Variants in SLC7A14 observed in about 807,000 individuals in gnomAD.
SLC7A14 encodes the protein gamma-aminobutyric acid transporter SLC7A14.
SLC7A14 carries 37 observed loss-of-function variants against 60.2 expected under a neutral mutation model. The ratio of observed to expected loss-of-function variants is 0.61; its 90% CI spans 0.47 to 0.81. SLC7A14 has a LOEUF of 0.81. Ranked by LOEUF, SLC7A14 falls within the 30% of genes least tolerant of loss-of-function variation. SLC7A14 has a pLI of 0.00. For synonymous variants in SLC7A14, 399 were observed against 395.8 expected (o/e 1.01, Z -0.10); for missense variants, 886 against 982.7 (o/e 0.90, Z 1.32).
chr3:170,528,778 C>G (rs756418203), intron 1 of SLC7A14, among the ~76,000 whole-genome samples: 3 of 152,138 alleles, frequency 2.0e-5, no homozygotes, highest in Non-Finnish European at 4.4e-5. Context: ...CCCCTTCCTC[C>G]TCTCCTCTTT....
intron 2 of SLC7A14, among the ~76,000 whole-genome samples, chr3:170,511,092 A>G (rs1712966005): frequency 6.6e-6 from 1 of 152,204 alleles, no homozygotes; most frequent in Admixed American, 6.5e-5. Flanking sequence ...GCCTGGGCAT[A>G]CTAAGTAAGT....
chr3:170,527,030 T>A lies in SLC7A14; in HGVS notation c.-94A>T. Reference sequence around the variant, plus strand: ...CTGGAACTCATCTAGTGAACAGGGATCTCCCTTTTAGGAAAGGCCCAGAGG... The same window carrying A: ...CTGGAACTCATCTAGTGAACAGGGAACTCCCTTTTAGGAAAGGCCCAGAGG... On this transcript the variant is annotated 5_prime_UTR_variant, in exon 2 of 8. Coordinates refer to ENST00000231706, the MANE Select transcript of SLC7A14 (RefSeq NM_020949.3). 7.3e-7 allele frequency: 1 copy of A among 1,378,468 alleles called. No homozygotes were observed. The highest frequency in any genetic ancestry group is 9.7e-7 in the Non-Finnish European group (1 of 1,028,082). The allele number at this position is 1,378,468 out of a possible 1,614,324, so 85.4% of individuals were successfully genotyped here.
chr3:170,562,526 A>T (rs915258356), intron 1 of SLC7A14, among the ~76,000 whole-genome samples: 1 of 152,124 alleles, frequency 6.6e-6, no homozygotes, highest in Non-Finnish European at 1.5e-5. Flanking sequence ...AAAAGACTAC[A>T]AATTGGGTTC....
chr3:170,524,301 G>A (rs1713426941), intron 2 of SLC7A14, among the ~76,000 whole-genome samples: 1 of 152,248 alleles, frequency 6.6e-6, no homozygotes, highest in South Asian at 2.1e-4. Context: ...ACTCTTGGCA[G>A]CTGGTGTGAG....
chr3:170,564,446 A>C (rs1323359450), intron 1 of SLC7A14, among the ~76,000 whole-genome samples: 1 of 152,242 alleles, frequency 6.6e-6, no homozygotes, highest in Non-Finnish European at 1.5e-5. Context: ...GAAACCCAAA[A>C]GATGTGCCCA....
intron 2 of SLC7A14, among the ~76,000 whole-genome samples, chr3:170,502,563 T>G (rs1712649392): frequency 6.6e-6 from 1 of 152,008 alleles, no homozygotes; most frequent in African/African-American, 2.4e-5. Flanking sequence ...AGGGGTGGGA[T>G]GTAAGAGGAT....
At chr3:170,509,217 A>G (rs1276306273) in intron 2 of SLC7A14, among the ~76,000 whole-genome samples, 3 of 152,166 alleles carry the variant, frequency 2.0e-5, no homozygotes, top group African/African-American at 7.2e-5. Context: ...GGGAATGCCT[A>G]TGTTTCTTTG....
intron 5 of SLC7A14, among the ~76,000 whole-genome samples, chr3:170,485,575 G>A (rs1333451364): frequency 6.6e-6 from 1 of 152,148 alleles, no homozygotes; most frequent in Non-Finnish European, 1.5e-5. Context: ...TGGGAGCTCC[G>A]AGAGCAAGCA....
chr3:170,584,230 C>T (rs539719976), intron 1 of SLC7A14, among the ~76,000 whole-genome samples: 1 of 152,286 alleles, frequency 6.6e-6, no homozygotes, highest in African/African-American at 2.4e-5. Context: ...AACAAACATA[C>T]AGGGCTGCTT....
chr3:170,585,882 A>G lies in SLC7A14; in HGVS notation c.-153+29T>C, dbSNP rs1270720312. 6.6e-6 allele frequency: 1 copy of G among 152,416 alleles called. No homozygotes were observed. Among genetic ancestry groups the G allele is most frequent in the Non-Finnish European group, 1.5e-5 (1 of 68,318 alleles). The allele number at this position is 152,416 out of a possible 1,614,324, so 9.4% of individuals were successfully genotyped here. On this transcript the variant is annotated intron_variant, in intron 1 of 7. Coordinates refer to ENST00000231706, the MANE Select transcript of SLC7A14 (RefSeq NM_020949.3). The surrounding 1 kb of genome is among the most constrained non-coding windows in gnomAD (Gnocchi z 5.1). ...GGCGCGGGGGGCGCGGAGGGGGACA[A>G]ACGGCAGCGAAGGGGGCCGTTCACT... is the stretch of plus-strand genomic sequence containing the variant.
chr3:170,570,811 CTCTTTTT>C (rs1049559638), intron 1 of SLC7A14, among the ~76,000 whole-genome samples: 1 of 152,116 alleles, frequency 6.6e-6, no homozygotes, highest in Admixed American at 6.5e-5. Context: ...CATTTCTTTT[CTCTTTTT>C]CCCATACTTT....
chr3:170,529,464 T>C (rs954265794), intron 1 of SLC7A14, among the ~76,000 whole-genome samples: 1 of 152,220 alleles, frequency 6.6e-6, no homozygotes, highest in African/African-American at 2.4e-5. Flanking sequence ...AATTCATCCG[T>C]TCAAGAAACT....
intron 2 of SLC7A14, among the ~76,000 whole-genome samples, chr3:170,518,929 G>C (rs553449858): frequency 6.6e-6 from 1 of 152,282 alleles, no homozygotes; most frequent in African/African-American, 2.4e-5. Flanking sequence ...TCAAGTGTGA[G>C]CTTGCTGTTT....
At chr3:170,566,466 C>G (rs560680172) in intron 1 of SLC7A14, among the ~76,000 whole-genome samples, 6 of 152,298 alleles carry the variant, frequency 3.9e-5, no homozygotes, top group African/African-American at 1.2e-4. Flanking sequence ...GGCCCTGATT[C>G]TATAGCAATG....
chr3:170,476,543 G>GT (rs1381534671), intron 7 of SLC7A14, among the ~76,000 whole-genome samples: 1 of 152,226 alleles, frequency 6.6e-6, no homozygotes, highest in African/African-American at 2.4e-5. Context: ...CGCTCAGGGA[G>GT]TTTTCCTCTG....
At chr3:170,538,918 C>T (rs1231169910) in intron 1 of SLC7A14, among the ~76,000 whole-genome samples, 31 of 152,194 alleles carry the variant, frequency 2.0e-4, no homozygotes, top group Admixed American at 2.0e-3. Context: ...CAGCTTATAT[C>T]CCATCTGTCA....
chr3:170,497,087 C>CAAAAAAAAAAAAAA (rs548290941), intron 4 of SLC7A14, among the ~76,000 whole-genome samples: 1 of 94,272 alleles, frequency 1.1e-5, no homozygotes, highest in African/African-American at 3.9e-5. Flanking sequence ...TTATTTTGTC[C>CAAAAAAAAAAAAAA]AAAAAAAAAA....
At chr3:170,499,497 G>A (rs1220651834) in intron 3 of SLC7A14, among the ~76,000 whole-genome samples, 1 of 151,922 alleles carries the variant, frequency 6.6e-6, no homozygotes, top group African/African-American at 2.4e-5. Flanking sequence ...AACCATCCTG[G>A]GATATTTGGG....
At chr3:170,570,319 A>G (rs1714910579) in intron 1 of SLC7A14, 1 of 152,412 alleles carries the variant, frequency 6.6e-6, no homozygotes, top group Non-Finnish European at 1.5e-5. Context: ...GTGGTGGCGC[A>G]TGCCTGTAGT....
Sources: gnomAD v4.1 joint callset for allele counts (sites outside exome capture counted in the v4.1 genomes callset) on GRCh38, gnomAD v4.1.1 for gene constraint, Gnocchi (gnomAD v3.1) non-coding constraint, MANE v1.5 for transcripts, NCBI Gene and HGNC (gene_info 2026-07-23, HGNC 2026-07-21) for gene names.